The following KPNA1 variants were observed in gnomAD, a reference collection of about 807,000 sequenced individuals.
KPNA1 encodes importin subunit alpha-5.
A neutral mutation model predicts 70.5 loss-of-function variants in KPNA1; 10 were observed. The observed-to-expected ratio is 0.14, with a 90% CI of 0.09 to 0.24. The LOEUF (loss-of-function observed/expected upper bound fraction) is 0.24. KPNA1 is among the 10% of genes least tolerant of loss of function. The pLI, the probability that KPNA1 is intolerant of heterozygous loss-of-function variation, is 1.00. For synonymous variants in KPNA1, 192 were observed against 221.9 expected (o/e 0.87, Z 1.20); for missense variants, 397 against 637.9 (o/e 0.62, Z 4.07).
At chr3:122,437,075 C>G (rs1423822083) in intron 11 of KPNA1, 95 bp downstream of exon 11, 2 of 1,334,670 alleles carry the variant, frequency 1.5e-6, no homozygotes, top group African/African-American at 2.9e-5. Flanking sequence ...CCACCGCACC[C>G]AGCCAAAAAC....
At chr3:122,454,055 A>C in intron 5 of KPNA1, 54 bp from the exon 6 acceptor site, 1 of 1,282,444 alleles carries the variant, frequency 7.8e-7, no homozygotes, top group Non-Finnish European at 1.1e-6. Context: ...AAGTTTGTTT[A>C]CTTATAACAG....
At chr3:122,490,669 C>A (rs949310653) in intron 2 of KPNA1, among the ~76,000 whole-genome samples, 2 of 152,132 alleles carry the variant, frequency 1.3e-5, no homozygotes, top group Non-Finnish European at 2.9e-5. Flanking sequence ...TTGCAAGGAA[C>A]CTGGTTCCTT....
intron 5 of KPNA1, among the ~76,000 whole-genome samples, chr3:122,457,390 CT>C (rs994952400): frequency 3.9e-4 from 43 of 109,964 alleles, no homozygotes; most frequent in African/African-American, 1.2e-3. Context: ...AATCATTAAC[CT>C]GGGAAAAAAA....
At position 122,453,924 on chromosome 3, in the gene KPNA1, A is replaced by G. The variant is rs149564101; in HGVS notation, c.510T>C (p.Ala170=). 1.7e-4 allele frequency: 275 copies of G among 1,613,504 alleles called. 1 individual carries two copies. In the Middle Eastern group the frequency reaches 1.8e-3, roughly 11 times the overall value. ...TGAGCAACTCTATGAAGATGGGCAC[A>G]GCTCCTGCCTGAATCACAATTCGGG... ...LQTRIVIQAG[A]VPIFIELLSS... is the part of the protein sequence containing the mutation. The change falls in exon 6 of 14, where the codon GCT becomes GCC. Residue 170 remains alanine (A), a synonymous_variant. Coordinates refer to ENST00000344337, the MANE Select transcript of KPNA1 (RefSeq NM_002264.4).
intron 3 of KPNA1, among the ~76,000 whole-genome samples, chr3:122,465,506 T>C (rs2076370202): frequency 6.6e-6 from 1 of 152,264 alleles, no homozygotes; most frequent in Non-Finnish European, 1.5e-5. Flanking sequence ...ATACAGTTCC[T>C]ACTGATTGCA....
chr3:122,507,954 A>T (rs184697263), intron 1 of KPNA1, among the ~76,000 whole-genome samples: 3,968 of 152,294 alleles, frequency 0.026, 69 homozygotes, highest in Non-Finnish European at 0.042. Context: ...TAGCACATAT[A>T]GACTGCACTT....
chr3:122,500,114 TTTGTTGTTG>T (rs533402378), intron 1 of KPNA1, among the ~76,000 whole-genome samples: 3 of 151,856 alleles, frequency 2.0e-5, no homozygotes, highest in Non-Finnish European at 4.4e-5. Flanking sequence ...CAACTGTTTT[TTTGTTGTTG>T]TTGTTGTTGT....
chr3:122,464,228 T>A, intron 3 of KPNA1, 187 bp from the exon 4 acceptor site: 3 of 396,488 alleles, frequency 7.6e-6, no homozygotes, highest in Non-Finnish European at 1.3e-5. Context: ...CCAAATTCTT[T>A]GTCTATCATT....
chr3:122,459,613 G>A (rs1325821997), intron 5 of KPNA1: 8 of 985,262 alleles, frequency 8.1e-6, no homozygotes, highest in South Asian at 9.4e-5. Flanking sequence ...CAGGGTGAAC[G>A]TGATTATTTT....
chr3:122,426,947 C>A lies in KPNA1; in HGVS notation c.*38G>T. ...TCCACAAGAGGACTCGACTGGGTAG[C>A]CTGGTCTGACACAGGTACGTGAAAG... On this transcript the variant is annotated 3_prime_UTR_variant, in exon 14 of 14. Transcript: ENST00000344337. 6.4e-7 allele frequency: 1 copy of A among 1,564,958 alleles called. No homozygotes were observed. The highest frequency in any genetic ancestry group is 2.2e-5 in the East Asian group (1 of 44,626).
intron 2 of KPNA1, among the ~76,000 whole-genome samples, chr3:122,482,326 T>C (rs192798800): frequency 6.6e-6 from 1 of 152,374 alleles, no homozygotes; most frequent in African/African-American, 2.4e-5. Flanking sequence ...CCACATCATA[T>C]ATGTGCTCCA....
chr3:122,426,970 A>T lies in KPNA1; in HGVS notation c.*15T>A. The T allele has an allele frequency of 6.2e-7, 1 of 1,610,590 alleles. No homozygotes were observed. Among genetic ancestry groups the T allele is most frequent in the Non-Finnish European group, 8.5e-7 (1 of 1,177,114 alleles). On this transcript the variant is annotated 3_prime_UTR_variant, in exon 14 of 14. Coordinates refer to ENST00000344337, the MANE Select transcript of KPNA1 (RefSeq NM_002264.4). Reference sequence around the variant, plus strand: ...AGCCTGGTCTGACACAGGTACGTGAAAGCAGAGTATTGCTTCAAAGCTGGA... The same window carrying T: ...AGCCTGGTCTGACACAGGTACGTGATAGCAGAGTATTGCTTCAAAGCTGGA...
intron 1 of KPNA1, among the ~76,000 whole-genome samples, chr3:122,510,673 G>T (rs2076945485): frequency 6.6e-6 from 1 of 152,012 alleles, no homozygotes; most frequent in African/African-American, 2.4e-5. Context: ...TTAGACGAAA[G>T]CCAATAATAT....
intron 2 of KPNA1, among the ~76,000 whole-genome samples, chr3:122,486,754 T>G (rs1226357712): frequency 6.6e-6 from 1 of 152,102 alleles, no homozygotes; most frequent in Non-Finnish European, 1.5e-5. Context: ...GCCCGGCTAA[T>G]TTTTTATATT....
chr3:122,432,205 C>G (rs1008251409), intron 12 of KPNA1, among the ~76,000 whole-genome samples: 4 of 152,026 alleles, frequency 2.6e-5, no homozygotes, highest in Non-Finnish European at 4.4e-5. Flanking sequence ...AACTATAGTA[C>G]TTCATTATTT....
intron 1 of KPNA1, among the ~76,000 whole-genome samples, chr3:122,503,966 G>C (rs2076859139): frequency 6.6e-6 from 1 of 152,206 alleles, no homozygotes; most frequent in Non-Finnish European, 1.5e-5. Context: ...GGATTAACAG[G>C]TGGAACACAG....
chr3:122,429,502 AAATCT>A (rs1285322845), intron 12 of KPNA1, among the ~76,000 whole-genome samples: 1 of 150,722 alleles, frequency 6.6e-6, no homozygotes, highest in African/African-American at 2.4e-5. Context: ...AAAAAAGTGT[AAATCT>A]AATAAATATG....
intron 9 of KPNA1, among the ~76,000 whole-genome samples, chr3:122,444,134 C>G (rs114364518): frequency 6.6e-6 from 1 of 151,926 alleles, no homozygotes; most frequent in Non-Finnish European, 1.5e-5. Context: ...AAGAACTGAG[C>G]GCTATTTCTC....
chr3:122,475,517 C>A (rs2076487582), intron 2 of KPNA1, among the ~76,000 whole-genome samples: 1 of 152,106 alleles, frequency 6.6e-6, no homozygotes, highest in African/African-American at 2.4e-5. Flanking sequence ...TTCATATGGA[C>A]CTACAAAAGA....
Sources: allele counts gnomAD v4.1 joint callset (sites outside exome capture counted in the v4.1 genomes callset), GRCh38; gene constraint gnomAD v4.1.1; transcripts MANE v1.5; gene names NCBI Gene and HGNC (gene_info 2026-07-23, HGNC 2026-07-21).